SERPINF1: variants seen among roughly 807,000 people sequenced by gnomAD.
SERPINF1 encodes pigment epithelium-derived factor.
In SERPINF1, 29 loss-of-function variants were observed where a neutral mutation model predicts 37.3. That is an observed-to-expected ratio of 0.78 (90% CI 0.58 to 1.06). The LOEUF is 1.06. Ranked by LOEUF, SERPINF1 falls within the 50% of genes least tolerant of loss-of-function variation. The pLI is 0.00. For missense variants in SERPINF1, 553 were observed against 532.2 expected, an observed-to-expected ratio of 1.04 and a Z score of -0.38; for synonymous variants, 281 against 227.9, an observed-to-expected ratio of 1.23 and a Z score of -2.10.
chr17:1,770,111 G>T (rs12603825), intron 3 of SERPINF1, 61 bp downstream of exon 3: 3 of 1,567,562 alleles, frequency 1.9e-6, no homozygotes, highest in Non-Finnish European at 2.6e-6. Flanking sequence ...TGGCCTCTGC[G>T]TAAACGTGGC....
At chr17:1,763,446 C>G (rs182108097) in intron 1 of SERPINF1, among the ~76,000 whole-genome samples, 1 of 152,204 alleles carries the variant, frequency 6.6e-6, no homozygotes, top group African/African-American at 2.4e-5. Flanking sequence ...CCTGCTAGGA[C>G]GAGAGCGGGG....
At position 1,771,724 on chromosome 17, in the gene SERPINF1, C is replaced by T. The variant is rs1597351924; in HGVS notation, c.440-148C>T. ...CCTGGCCAGTGCCTGGGGATGCCAG[C>T]AGAAGTCCTGGCAAGTCACAGGAAG... On this transcript the variant is annotated intron_variant, in intron 4 of 7. Coordinates refer to ENST00000254722, the MANE Select transcript of SERPINF1 (RefSeq NM_002615.7). The T allele has an allele frequency of 7.8e-6, 6 of 768,572 alleles. No homozygotes were observed. The East Asian group carries it at 1.6e-4, about 21-fold the overall frequency. 47.6% of individuals were successfully genotyped at this position (768,572 alleles called of 1,614,324 possible). A position where few individuals can be genotyped will look rare whatever the true frequency, so the allele number is the denominator to read the frequency against.
In SERPINF1 at chr17:1,775,044, A is replaced by T. The variant is rs3891224; in HGVS notation, c.644-14A>T. ...TCTCCTGGGGCTCAGACTATGTCAT[A>T]CACTTCTTTCCAGGGCAGTGGGTAA... is the stretch of plus-strand genomic sequence containing the variant. On this transcript the variant is annotated splice_polypyrimidine_tract_variant and intron_variant, in intron 5 of 7. Transcript: ENST00000254722. 93,904 of 1,613,784 alleles carry T rather than the reference A, an allele frequency of 0.058. 6,536 individuals carry two copies. The highest frequency in any genetic ancestry group is 0.31 in the African/African-American group (23,232 of 74,864).
In SERPINF1 at chr17:1,775,020, C is replaced by G. The variant is rs1427670299; in HGVS notation, c.644-38C>G. ...AGCATGGCGCCACTGTCTTTCTGGT[C>G]TCCTGGGGCTCAGACTATGTCATAC... On this transcript the variant is annotated intron_variant, in intron 5 of 7. Coordinates refer to ENST00000254722, the MANE Select transcript of SERPINF1 (RefSeq NM_002615.7). 4 of 1,613,870 alleles carry G rather than the reference C, an allele frequency of 2.5e-6. No individual in the cohort carries two copies. In the East Asian group the frequency reaches 6.7e-5, roughly 27 times the overall value.
intron 2 of SERPINF1, among the ~76,000 whole-genome samples, chr17:1,769,446 A>AT (rs1372694536): frequency 6.6e-6 from 1 of 150,636 alleles, no homozygotes; most frequent in African/African-American, 2.5e-5. Context: ...GTTTCGGCTT[A>AT]TAGGTCACAA....
At chr17:1,764,497 A>T (rs1384678823) in intron 1 of SERPINF1, among the ~76,000 whole-genome samples, 1 of 152,266 alleles carries the variant, frequency 6.6e-6, no homozygotes, top group Non-Finnish European at 1.5e-5. Flanking sequence ...AGCCACGTGC[A>T]AGAGCAGCTG....
At chr17:1,763,754 C>T (rs1260697269) in intron 1 of SERPINF1, among the ~76,000 whole-genome samples, 1 of 152,224 alleles carries the variant, frequency 6.6e-6, no homozygotes, top group Non-Finnish European at 1.5e-5. Context: ...TGCCAGGCTC[C>T]CTCACCTCAC....
chr17:1,768,449 AAG>A (rs1907524384), intron 2 of SERPINF1, among the ~76,000 whole-genome samples: 1 of 151,116 alleles, frequency 6.6e-6, no homozygotes, highest in Non-Finnish European at 1.5e-5. Context: ...AAAAAAAAGA[AAG>A]AAAGAAAAAC....
chr17:1,775,118 A>G lies in SERPINF1; in HGVS notation c.704A>G (p.Glu235Gly), dbSNP rs1016045923. The G allele has an allele frequency of 2.5e-6, 4 of 1,614,002 alleles. No homozygotes were observed. The highest frequency in any genetic ancestry group is 2.2e-5 in the South Asian group (2 of 91,080). ...TCCCTCGAGGATTTCTACTTGGATG[A>G]AGAGAGGACCGTGAGGGTCCCCATG... ...KTSLEDFYLD[E>G]ERTVRVPMMS... Residue 235 changes from glutamate to glycine, a missense_variant, in exon 6 of 8, where the codon GAA becomes GGA. Coordinates refer to ENST00000254722, the MANE Select transcript of SERPINF1 (RefSeq NM_002615.7).
At chr17:1,763,321 G>T (rs925247471) in intron 1 of SERPINF1, among the ~76,000 whole-genome samples, 4 of 152,216 alleles carry the variant, frequency 2.6e-5, no homozygotes, top group Non-Finnish European at 5.9e-5. Context: ...TCCGCCTCAC[G>T]TGGAGGCAAG....
rs1440649484 is a variant in SERPINF1, at chr17:1,766,811, C to A, written c.-8-92C>A. The A allele has an allele frequency of 5.4e-6, 7 of 1,288,492 alleles. No individual in the cohort carries two copies. In the Admixed American group the frequency reaches 1.4e-4, roughly 26 times the overall value. The allele number at this position is 1,288,492 out of a possible 1,614,324, so 79.8% of individuals were successfully genotyped here. On this transcript the variant is annotated intron_variant, in intron 1 of 7. Coordinates refer to ENST00000254722, the MANE Select transcript of SERPINF1 (RefSeq NM_002615.7). Reference sequence around the variant, plus strand: ...GGGGAAAGTGACTAGCCCTGCCCAACCCCTGGGTCCTGGCTGGGGTGGCCA... The same window carrying A: ...GGGGAAAGTGACTAGCCCTGCCCAAACCCTGGGTCCTGGCTGGGGTGGCCA...
In SERPINF1 at chr17:1,777,204, G is replaced by GATTCACCAGACTTTAGCAAGATCA; in HGVS notation, c.1016_1039dup (p.Ile346_Thr347insAsnSerProAspPheSerLysIle). 2 of 1,614,096 alleles carry GATTCACCAGACTTTAGCAAGATCA rather than the reference G, an allele frequency of 1.2e-6. No individual in the cohort carries two copies. Reference sequence around the variant, plus strand: ...CTCTACAGAGCTGCAATCCTTGTTTGATTCACCAGACTTTAGCAAGATCAC... The same window carrying GATTCACCAGACTTTAGCAAGATCA: ...CTCTACAGAGCTGCAATCCTTGTTTGATTCACCAGACTTTAGCAAGATCAATTCACCAGACTTTAGCAAGATCAC... On this transcript the variant is annotated inframe_insertion, in exon 8 of 8. Transcript: ENST00000254722.
At chr17:1,765,272 A>G (rs1322684890) in intron 1 of SERPINF1, among the ~76,000 whole-genome samples, 1 of 151,504 alleles carries the variant, frequency 6.6e-6, no homozygotes, top group African/African-American at 2.4e-5. Context: ...CCCTCCAAGT[A>G]GCTGGGACTA....
At chr17:1,769,026 C>T (rs1240626602) in intron 2 of SERPINF1, among the ~76,000 whole-genome samples, 2 of 148,830 alleles carry the variant, frequency 1.3e-5, no homozygotes, top group East Asian at 2.1e-4. Context: ...AGGATGGTCT[C>T]GAACTCCTGA....
chr17:1,775,691 G>GT (rs1907987646), intron 6 of SERPINF1, among the ~76,000 whole-genome samples: 2 of 152,092 alleles, frequency 1.3e-5, no homozygotes, highest in South Asian at 4.1e-4. Context: ...TTACAGGCGT[G>GT]TGCCACCATG....
At chr17:1,771,775 C>T (rs1907751227) in intron 4 of SERPINF1, 97 bp from the exon 5 acceptor site, 6 of 1,205,666 alleles carry the variant, frequency 5.0e-6, no homozygotes, top group Non-Finnish European at 7.2e-6. Context: ...TCAGGGCCTG[C>T]TGAGCGCTAA....
chr17:1,773,140 G>A (rs1021823735), intron 5 of SERPINF1, among the ~76,000 whole-genome samples: 3 of 152,190 alleles, frequency 2.0e-5, no homozygotes, highest in Admixed American at 6.5e-5. Context: ...AAGGCAAGGC[G>A]TGAATGTCTA....
intron 6 of SERPINF1, 120 bp from the exon 7 acceptor site, chr17:1,776,412 G>A (rs1225266749): frequency 1.2e-5 from 10 of 860,604 alleles, no homozygotes; most frequent in Middle Eastern, 3.2e-4. Context: ...ATAGATGAGG[G>A]GCTGGATGAA....
intron 5 of SERPINF1, among the ~76,000 whole-genome samples, chr17:1,773,741 C>T (rs1484087720): frequency 4.6e-5 from 7 of 152,174 alleles, no homozygotes; most frequent in East Asian, 3.8e-4. Flanking sequence ...AGGTGGCCAA[C>T]GACATCCTTC....
Sources: allele counts gnomAD v4.1 joint callset (sites outside exome capture counted in the v4.1 genomes callset), GRCh38; gene constraint gnomAD v4.1.1; transcripts MANE v1.5; gene names NCBI Gene and HGNC (gene_info 2026-07-23, HGNC 2026-07-21).